The following PEBP4 variants were observed in gnomAD, a reference collection of about 807,000 sequenced individuals.
PEBP4 encodes the protein phosphatidylethanolamine-binding protein 4.
PEBP4 carries 22 observed loss-of-function variants against 23.9 expected under a neutral mutation model. The ratio of observed to expected loss-of-function variants is 0.92; its 90% CI spans 0.66 to 1.31. The LOEUF is 1.31. PEBP4 is among the 40% of genes most tolerant of loss of function. The probability of loss-of-function intolerance (pLI) is 0.00; values close to 1 mark genes in which losing one functional copy is unlikely to be tolerated. For missense variants in PEBP4, 324 were observed against 281.7 expected (o/e 1.15, Z -1.07); for synonymous variants, 112 against 99.3 (o/e 1.13, Z -0.76).
chr8:22,725,311 C>G (rs1804601771), intron 5 of PEBP4, among the ~76,000 whole-genome samples: 1 of 152,270 alleles, frequency 6.6e-6, no homozygotes, highest in South Asian at 2.1e-4. Context: ...TCAAGAGAAG[C>G]CCATCTTCCT....
intron 4 of PEBP4, among the ~76,000 whole-genome samples, chr8:22,774,152 C>A (rs527296446): frequency 1.3e-5 from 2 of 152,352 alleles, no homozygotes; most frequent in South Asian, 4.1e-4. Flanking sequence ...AGGAAGGAGG[C>A]CAGGGCTTGA....
chr8:22,849,773 T>G (rs1484115533), intron 3 of PEBP4, among the ~76,000 whole-genome samples: 1 of 152,226 alleles, frequency 6.6e-6, no homozygotes, highest in African/African-American at 2.4e-5. Flanking sequence ...AGGTTAAAGA[T>G]GTCAAAATCT....
At chr8:22,714,480 GA>G (rs1804373676) in intron 6 of PEBP4, among the ~76,000 whole-genome samples, 2 of 151,776 alleles carry the variant, frequency 1.3e-5, no homozygotes, top group African/African-American at 4.8e-5. Context: ...ATCCTTACAT[GA>G]ATTTTTTTTT....
At chr8:22,753,264 C>T (rs1268713222) in intron 4 of PEBP4, among the ~76,000 whole-genome samples, 1 of 152,172 alleles carries the variant, frequency 6.6e-6, no homozygotes, top group African/African-American at 2.4e-5. Context: ...AGAATAGATG[C>T]TCCCTGCTCA....
At position 22,803,753 on chromosome 8, in the gene PEBP4, C is replaced by T. The variant is rs114185078; in HGVS notation, c.357+13884G>A. 2.9e-3 allele frequency among the ~76,000 whole-genome samples: 435 copies of T among 152,338 alleles called. 6 individuals carry two copies. Among genetic ancestry groups the T allele is most frequent in the African/African-American group, 0.01 (426 of 41,578 alleles). ...AGCTTGAGACTCCCCCTTGTCTCCT[C>T]ACCTGCCAGGCCTCCAGTATCCTCA... On this transcript the variant is annotated intron_variant, in intron 4 of 6. Coordinates refer to ENST00000256404, the MANE Select transcript of PEBP4 (RefSeq NM_144962.3).
intron 4 of PEBP4, among the ~76,000 whole-genome samples, chr8:22,767,410 G>T (rs1341696775): frequency 6.6e-6 from 1 of 152,186 alleles, no homozygotes; most frequent in African/African-American, 2.4e-5. Context: ...GGAATTCAGG[G>T]TTATCCCTAT....
chr8:22,852,805 A>G (rs1382354460), intron 3 of PEBP4, among the ~76,000 whole-genome samples: 1 of 152,226 alleles, frequency 6.6e-6, no homozygotes, highest in Non-Finnish European at 1.5e-5. Flanking sequence ...TTAAAAAAAA[A>G]AGACTAAAAG....
intron 3 of PEBP4, chr8:22,883,909 A>G (rs946889175): frequency 6.6e-6 from 1 of 151,788 alleles, no homozygotes; most frequent in Non-Finnish European, 1.5e-5. Flanking sequence ...TACAAAAAAA[A>G]GGGGGGACAA....
intron 4 of PEBP4, among the ~76,000 whole-genome samples, chr8:22,800,527 T>C (rs1214041049): frequency 2.0e-5 from 3 of 152,106 alleles, no homozygotes; most frequent in African/African-American, 4.8e-5. Flanking sequence ...TTACTCTTCA[T>C]GGCAAAGGAA....
chr8:22,762,575 G>C (rs535277637), intron 4 of PEBP4, among the ~76,000 whole-genome samples: 1 of 152,282 alleles, frequency 6.6e-6, no homozygotes, highest in East Asian at 1.9e-4. Flanking sequence ...CCTGGGGATG[G>C]ATGATATTGA....
At chr8:22,868,224 C>T (rs765098159) in intron 3 of PEBP4, among the ~76,000 whole-genome samples, 81 of 152,244 alleles carry the variant, frequency 5.3e-4, no homozygotes, top group African/African-American at 7.5e-4. Flanking sequence ...GGGAAAACAC[C>T]CCCCTGGTTT....
Position 22,924,980 on chromosome 8 carries a change from ATGC to A in PEBP4, c.131+2601_131+2603del, listed in dbSNP as rs927347172. On this transcript the variant is annotated intron_variant, in intron 2 of 6. Transcript: ENST00000256404. ...CTTTAAGAGTTCCCTGGTAGACCAA[ATGC>A]CCACAAGAGGAGTGCCTTCTCTGGG... 7 of 985,232 alleles carry A rather than the reference ATGC, an allele frequency of 7.1e-6. No individual in the cohort carries two copies. The African/African-American group carries it at 1.0e-4, about 15-fold the overall frequency. 61.0% of individuals were successfully genotyped at this position (985,232 alleles called of 1,614,324 possible).
At chr8:22,940,408 G>T (rs985360496) in intron 1 of PEBP4, among the ~76,000 whole-genome samples, 12 of 151,754 alleles carry the variant, frequency 7.9e-5, no homozygotes, top group Non-Finnish European at 1.8e-4. Flanking sequence ...CATGAAGAAA[G>T]TCACAAATAA....
chr8:22,765,057 C>T (rs753506329), intron 4 of PEBP4, among the ~76,000 whole-genome samples: 11 of 152,110 alleles, frequency 7.2e-5, no homozygotes, highest in African/African-American at 1.4e-4. Flanking sequence ...CTCTCTCATA[C>T]CTCTTCCCAT....
At chr8:22,764,793 A>G (rs1805575351) in intron 4 of PEBP4, among the ~76,000 whole-genome samples, 1 of 151,728 alleles carries the variant, frequency 6.6e-6, no homozygotes, top group African/African-American at 2.4e-5. Context: ...TGGGACAAAC[A>G]TTGGTCACTC....
intron 4 of PEBP4, among the ~76,000 whole-genome samples, chr8:22,736,053 C>T (rs924693677): frequency 1.3e-5 from 2 of 152,142 alleles, no homozygotes; most frequent in African/African-American, 2.4e-5. Context: ...GCCCCTGGTG[C>T]CTCTGGGGCC....
intron 3 of PEBP4, among the ~76,000 whole-genome samples, chr8:22,829,980 G>A (rs953065555): frequency 5.1e-4 from 78 of 152,092 alleles, no homozygotes; most frequent in African/African-American, 1.6e-3. Flanking sequence ...CACACTTGGC[G>A]TCTCAGCTGC....
At chr8:22,839,643 A>G (rs920414636) in intron 3 of PEBP4, among the ~76,000 whole-genome samples, 1 of 152,182 alleles carries the variant, frequency 6.6e-6, no homozygotes, top group Non-Finnish European at 1.5e-5. Context: ...GCACAAAACA[A>G]ATACTTGCAG....
chr8:22,770,444 G>T (rs1805695094), intron 4 of PEBP4, among the ~76,000 whole-genome samples: 1 of 152,232 alleles, frequency 6.6e-6, no homozygotes, highest in Non-Finnish European at 1.5e-5. Flanking sequence ...GGCCGAAGCT[G>T]CATCCTGTCC....
Sources: allele counts gnomAD v4.1 joint callset (sites outside exome capture counted in the v4.1 genomes callset), GRCh38; gene constraint gnomAD v4.1.1; transcripts MANE v1.5; gene names NCBI Gene and HGNC (gene_info 2026-07-23, HGNC 2026-07-21).